IL1RAPL1: variants seen among roughly 807,000 people sequenced by gnomAD.
The protein encoded by IL1RAPL1 is interleukin-1 receptor accessory protein-like 1.
A neutral mutation model predicts 48.4 loss-of-function variants in IL1RAPL1; 3 were observed. The observed-to-expected ratio is 0.06, with a 90% CI of 0.03 to 0.16. The LOEUF is 0.16. Among genes scored for constraint, IL1RAPL1 ranks in the 10% least tolerant of loss-of-function variants. The probability of loss-of-function intolerance (pLI) is 1.00; values close to 1 mark genes in which losing one functional copy is unlikely to be tolerated. For missense variants in IL1RAPL1, 349 were observed against 530.6 expected (o/e 0.66, Z 3.36); for synonymous variants, 185 against 187.7 (o/e 0.99, Z 0.12).
intron 2 of IL1RAPL1, among the ~76,000 whole-genome samples, chrX:28,930,631 A>T (rs1348281760): frequency 8.9e-6 from 1 of 111,794 alleles, no homozygotes; most frequent in African/African-American, 3.2e-5. Context: ...TTTTATTTTT[A>T]TTTTTAATTT....
chrX:28,734,543 A>T (rs1292489956), intron 1 of IL1RAPL1, among the ~76,000 whole-genome samples: 1 of 62,898 alleles, frequency 1.6e-5, no homozygotes, highest in African/African-American at 9.0e-5. Flanking sequence ...TCTTTACCAA[A>T]GTGTCATTTT....
chrX:29,471,430 A>G (rs142070801), intron 5 of IL1RAPL1, among the ~76,000 whole-genome samples: 36 of 111,504 alleles, frequency 3.2e-4, no homozygotes, highest in African/African-American at 1.1e-3. Context: ...TAGGGCTAGT[A>G]TATATAGGAA....
chrX:29,933,134 T>TGAGAACAC (rs1221962823), intron 8 of IL1RAPL1, among the ~76,000 whole-genome samples: 2 of 110,453 alleles, frequency 1.8e-5, no homozygotes, highest in Non-Finnish European at 1.9e-5. Context: ...AGTAGAACAA[T>TGAGAACAC]GAGAACACAG....
At chrX:28,656,750 G>T (rs1301226355) in intron 1 of IL1RAPL1, among the ~76,000 whole-genome samples, 4 of 111,651 alleles carry the variant, frequency 3.6e-5, no homozygotes, top group African/African-American at 6.5e-5. Flanking sequence ...TTTACGGCCG[G>T]GCGTGGTGGC....
intron 5 of IL1RAPL1, among the ~76,000 whole-genome samples, chrX:29,476,107 G>A (rs1023379030): frequency 9.0e-6 from 1 of 111,127 alleles, no homozygotes; most frequent in African/African-American, 3.3e-5. Flanking sequence ...AGCAGACATC[G>A]AGGTCATTAC....
In IL1RAPL1 at chrX:29,863,452, C is replaced by T. The variant is rs763894900; in HGVS notation, c.779-54012C>T. Among the ~76,000 whole-genome samples, 3 of 111,499 alleles carry T rather than the reference C, an allele frequency of 2.7e-5. No individual in the cohort carries two copies. In the South Asian group the frequency reaches 1.1e-3, roughly 42 times the overall value. On this transcript the variant is annotated intron_variant, in intron 6 of 10. Coordinates refer to ENST00000378993, the MANE Select transcript of IL1RAPL1 (RefSeq NM_014271.4). ...AGTAAATTGCAAATCCCCTGACCTA[C>T]ATGACTATAGCCCCCCAAAATCAGA...
chrX:29,611,931 A>G (rs1408853973), intron 5 of IL1RAPL1, among the ~76,000 whole-genome samples: 2 of 108,564 alleles, frequency 1.8e-5, no homozygotes, highest in Non-Finnish European at 3.8e-5. Flanking sequence ...ACATTCAGAC[A>G]CTCCTTCTCT....
intron 2 of IL1RAPL1, among the ~76,000 whole-genome samples, chrX:29,038,162 G>A (rs775216625): frequency 3.6e-5 from 4 of 111,899 alleles, no homozygotes; most frequent in African/African-American, 1.3e-4. Context: ...CACACATGTT[G>A]AAGTAATGCA....
At chrX:29,409,795 C>T (rs1298487104) in intron 5 of IL1RAPL1, among the ~76,000 whole-genome samples, 6 of 106,641 alleles carry the variant, frequency 5.6e-5, no homozygotes, top group Admixed American at 1.0e-4. Flanking sequence ...GAGTGTTCAC[C>T]GTGTGCCAGG....
chrX:29,161,420 A>G (rs1183511703), intron 2 of IL1RAPL1, among the ~76,000 whole-genome samples: 1 of 112,383 alleles, frequency 8.9e-6, no homozygotes, highest in Non-Finnish European at 1.9e-5. Context: ...AAGCTAACGT[A>G]TTAGGAATAG....
chrX:29,623,699 T>C (rs1924535190), intron 5 of IL1RAPL1, among the ~76,000 whole-genome samples: 1 of 112,334 alleles, frequency 8.9e-6, no homozygotes, highest in African/African-American at 3.2e-5. Context: ...CACATTTTGA[T>C]GCCAGTAAAT....
intron 2 of IL1RAPL1, among the ~76,000 whole-genome samples, chrX:28,994,302 A>G (rs1157522861): frequency 9.0e-6 from 1 of 111,444 alleles, no homozygotes; most frequent in African/African-American, 3.3e-5. Flanking sequence ...CTAAGAAGAG[A>G]GGTCATAAAA....
At chrX:28,982,834 A>G (rs779542301) in intron 2 of IL1RAPL1, 4 of 110,717 alleles carry the variant, frequency 3.6e-5, no homozygotes, top group Non-Finnish European at 5.7e-5. Context: ...TTTTATTATT[A>G]TTTTTATTTA....
At chrX:28,845,803 C>T (rs2147294234) in intron 2 of IL1RAPL1, among the ~76,000 whole-genome samples, 1 of 111,464 alleles carries the variant, frequency 9.0e-6, no homozygotes, top group South Asian at 3.7e-4. Flanking sequence ...TTCAGGTTCC[C>T]AACAAAGTTG....
At chrX:29,937,775 CTGCAA>C (rs1641172844) in intron 8 of IL1RAPL1, among the ~76,000 whole-genome samples, 1 of 111,636 alleles carries the variant, frequency 9.0e-6, no homozygotes, top group South Asian at 3.7e-4. Context: ...CACTATGCTT[CTGCAA>C]TGTAATACTA....
intron 2 of IL1RAPL1, among the ~76,000 whole-genome samples, chrX:29,265,651 G>A (rs1311454879): frequency 2.6e-5 from 2 of 76,751 alleles, no homozygotes; most frequent in Non-Finnish European, 4.6e-5. Flanking sequence ...TCCCCAGAGT[G>A]TGATGTTCCC....
rs530359366 is a variant in IL1RAPL1 at position 29,651,865 on chromosome X, A to G, written c.704-16565A>G. On this transcript the variant is annotated intron_variant, in intron 5 of 10. Coordinates refer to ENST00000378993, the MANE Select transcript of IL1RAPL1 (RefSeq NM_014271.4). ...CTACAATGGATATATACTTCAAAAT[A>G]TCATGTTGTACATGATAGATACATA... 3.1e-4 allele frequency among the ~76,000 whole-genome samples: 35 copies of G among 111,917 alleles called. No individual in the cohort carries two copies. In the South Asian group the frequency reaches 0.013, roughly 40 times the overall value.
intron 2 of IL1RAPL1, among the ~76,000 whole-genome samples, chrX:29,185,924 G>T (rs1344752485): frequency 9.0e-6 from 1 of 110,995 alleles, no homozygotes; most frequent in Non-Finnish European, 1.9e-5. Flanking sequence ...TTCTAGGCAA[G>T]GGGCAGCAAA....
At chrX:29,703,163 T>TCA (rs1927099860) in intron 6 of IL1RAPL1, among the ~76,000 whole-genome samples, 1 of 111,625 alleles carries the variant, frequency 9.0e-6, no homozygotes, top group African/African-American at 3.3e-5. Flanking sequence ...CTACTGGATT[T>TCA]TATATATACG....
Sources: gnomAD v4.1 joint callset for allele counts (sites outside exome capture counted in the v4.1 genomes callset) on GRCh38, gnomAD v4.1.1 for gene constraint, MANE v1.5 for transcripts, NCBI Gene and HGNC (gene_info 2026-07-23, HGNC 2026-07-21) for gene names.